ACO2: variants seen among roughly 807,000 people sequenced by gnomAD.
The protein encoded by ACO2 is aconitase 2.
In ACO2, 31 loss-of-function variants were observed where a neutral mutation model predicts 84.5. The ratio of observed to expected loss-of-function variants is 0.37; its 90% CI spans 0.28 to 0.50. The LOEUF is 0.50. ACO2 is among the 20% of genes least tolerant of loss of function. The pLI is 0.97. For synonymous variants in ACO2, 414 were observed against 412.7 expected (o/e 1.00, Z -0.04); for missense variants, 685 against 1,029.3 (o/e 0.67, Z 4.58).
intron 1 of ACO2, among the ~76,000 whole-genome samples, chr22:41,497,662 C>T (rs1385536699): frequency 6.6e-6 from 1 of 152,136 alleles, no homozygotes; most frequent in African/African-American, 2.4e-5. Flanking sequence ...GCAGGTGGAT[C>T]ACCTGAGGTC....
At position 41,502,357 on chromosome 22, in the gene ACO2, C is replaced by T. The variant is rs113786069; in HGVS notation, c.173+2495C>T. Among the ~76,000 whole-genome samples, 139 of 152,268 alleles carry T rather than the reference C, an allele frequency of 9.1e-4. 2 individuals carry two copies. The highest frequency in any genetic ancestry group is 3.2e-3 in the African/African-American group (134 of 41,572). ...CACTGAGTCAGAACCGGCCATTTAACAGGATCCCCAAGGGACTTACGTGCC... is the reference window on the plus strand; with the variant it reads ...CACTGAGTCAGAACCGGCCATTTAATAGGATCCCCAAGGGACTTACGTGCC... On this transcript the variant is annotated intron_variant, in intron 2 of 17. Transcript: ENST00000216254.
At chr22:41,503,918 A>G (rs559567283) in intron 2 of ACO2, among the ~76,000 whole-genome samples, 75 of 152,272 alleles carry the variant, frequency 4.9e-4, no homozygotes, top group African/African-American at 1.8e-3. Flanking sequence ...TTATGCTAAA[A>G]AGAATTATAT....
At chr22:41,527,526 G>A in intron 16 of ACO2, 106 bp downstream of exon 16, 1 of 1,441,380 alleles carries the variant, frequency 6.9e-7, no homozygotes, top group African/African-American at 1.4e-5. Context: ...TGTGTCCACT[G>A]CAGCCCACAG....
intron 6 of ACO2, 67 bp from the exon 7 acceptor site, chr22:41,517,460 C>A (rs1231435818): frequency 2.3e-6 from 3 of 1,297,980 alleles, no homozygotes; most frequent in South Asian, 1.2e-5. Flanking sequence ...TGCAGGTGGC[C>A]GCGTAGCAGG....
intron 7 of ACO2, 57 bp downstream of exon 7, chr22:41,517,688 C>A: frequency 6.9e-7 from 1 of 1,447,500 alleles, no homozygotes; most frequent in Non-Finnish European, 9.7e-7. Flanking sequence ...CGCTCCTCCC[C>A]AAGACAGAGC....
chr22:41,527,225 G>A (rs1209146630), intron 15 of ACO2, 63 bp from the exon 16 acceptor site: 4 of 1,612,740 alleles, frequency 2.5e-6, no homozygotes, highest in Non-Finnish European at 3.4e-6. Context: ...AGGCAGGTAG[G>A]GCCAGACAGG....
chr22:41,506,489 A>G (rs993541687), intron 2 of ACO2, among the ~76,000 whole-genome samples: 1 of 151,990 alleles, frequency 6.6e-6, no homozygotes, highest in Non-Finnish European at 1.5e-5. Context: ...TCCTGACCTC[A>G]TGATCCGCCT....
At chr22:41,512,658 G>C (rs1474057906) in intron 4 of ACO2, among the ~76,000 whole-genome samples, 1 of 152,236 alleles carries the variant, frequency 6.6e-6, no homozygotes, top group African/African-American at 2.4e-5. Context: ...ATGGTGTTCT[G>C]TAGGGTGAAG....
chr22:41,522,690 A>T (rs531893163), intron 9 of ACO2, 140 bp from the exon 10 acceptor site: 1 of 886,424 alleles, frequency 1.1e-6, no homozygotes, highest in South Asian at 1.8e-5. Flanking sequence ...GTTGCTTGCA[A>T]CTGGTCTCTG....
rs1190129586 is a variant in ACO2 at position 41,499,770 on chromosome 22, C to T, written c.81C>T (p.Cys27=). 6.2e-7 allele frequency: 1 copy of T among 1,613,872 alleles called. No individual in the cohort carries two copies. Reference sequence around the variant, plus strand: ...AGTACCATGTGGCCTCAGTCCTGTGCCAACGGGCCAAGGTGGCGATGAGCC... The same window carrying T: ...AGTACCATGTGGCCTCAGTCCTGTGTCAACGGGCCAAGGTGGCGATGAGCC... ...VRQYHVASVL[C]QRAKVAMSHF... is the part of the protein sequence containing the mutation. The change falls in exon 2 of 18, where the codon TGC becomes TGT. Residue 27 remains cysteine (C), a synonymous_variant. Coordinates refer to ENST00000216254, the MANE Select transcript of ACO2 (RefSeq NM_001098.3).
In ACO2 at chr22:41,523,858, A is replaced by G; in HGVS notation, c.1399A>G (p.Thr467Ala). Residue 467 changes from threonine (T) to alanine (A), a missense_variant, in exon 12 of 18, where the codon ACA becomes GCA. Around this residue, in one of 5 missense-constraint regions of ACO2, gnomAD observed 311 missense variants for 441.6 expected, o/e 0.70. Coordinates refer to ENST00000216254, the MANE Select transcript of ACO2 (RefSeq NM_001098.3). ...GGACATCAAGAAGGGGGAGAAGAAC[A>G]CAATCGTCACCTCCTACAACAGGAA... is the stretch of plus-strand genomic sequence containing the variant. Reference protein sequence around the residue: ...RKDIKKGEKNTIVTSYNRNFT... With the variant: ...RKDIKKGEKNAIVTSYNRNFT... 1.9e-6 allele frequency: 3 copies of G among 1,612,188 alleles called. No homozygotes were observed. The highest frequency in any genetic ancestry group is 2.5e-6 in the Non-Finnish European group (3 of 1,179,970).
At chr22:41,485,602 G>C (rs1249869132) in intron 1 of ACO2, among the ~76,000 whole-genome samples, 2 of 151,840 alleles carry the variant, frequency 1.3e-5, no homozygotes, top group Non-Finnish European at 2.9e-5. Flanking sequence ...CACCACGCCC[G>C]GCAAATTTTT....
chr22:41,523,206 C>T lies in ACO2; in HGVS notation c.1298C>T (p.Ala433Val). The change falls in exon 11 of 18, where the codon GCA (alanine) becomes GTA (valine). Residue 433 changes from alanine (A) to valine (V), a missense_variant and splice_region_variant. By Grantham distance (64) the Ala-to-Val change is moderately conservative. This residue lies in a region of ACO2 where 311 missense variants were observed against 441.6 expected (regional missense o/e 0.70). Transcript: ENST00000216254. ...TCTGTCTTCCTCTCTCCCTGGCAGG[C>T]ACAGATCTTGAGGGATCTGGGTGGC... ...IRATIERDGY[A>V]QILRDLGGIV... The T allele has an allele frequency of 1.2e-6, 2 of 1,611,494 alleles. No homozygotes were observed. Among genetic ancestry groups the T allele is most frequent in the Non-Finnish European group, 1.7e-6 (2 of 1,178,540 alleles).
At chr22:41,487,699 C>G (rs1397869265) in intron 1 of ACO2, among the ~76,000 whole-genome samples, 1 of 151,906 alleles carries the variant, frequency 6.6e-6, no homozygotes, top group Non-Finnish European at 1.5e-5. Context: ...CTAGATGAAT[C>G]ATCAAATTAA....
At chr22:41,517,693 C>A in intron 7 of ACO2, 62 bp downstream of exon 7, 1 of 1,422,124 alleles carries the variant, frequency 7.0e-7, no homozygotes, top group Non-Finnish European at 9.9e-7. Flanking sequence ...CTCCCCAAGA[C>A]AGAGCTATGC....
At chr22:41,472,147 G>C (rs900969312) in intron 1 of ACO2, among the ~76,000 whole-genome samples, 2 of 152,154 alleles carry the variant, frequency 1.3e-5, no homozygotes, top group Non-Finnish European at 2.9e-5. Context: ...AAGGTCAGGA[G>C]TTCGAGACCA....
rs1045358500 is a variant in ACO2, at chr22:41,519,207, C to G, written c.1032+635C>G. 4.6e-5 allele frequency among the ~76,000 whole-genome samples: 7 copies of G among 152,238 alleles called. 1 individual carries two copies. Among genetic ancestry groups the G allele is most frequent in the Admixed American group, 6.5e-5 (1 of 15,300 alleles). ...GGCAAATCCCAGCAGGGTTAGGCAC[C>G]CTGAGACGCACAGATCAGAGCAGGT... On this transcript the variant is annotated intron_variant, in intron 8 of 17. Transcript: ENST00000216254.
chr22:41,475,890 T>A (rs1207115153), intron 1 of ACO2, among the ~76,000 whole-genome samples: 3 of 136,932 alleles, frequency 2.2e-5, no homozygotes, highest in African/African-American at 8.1e-5. Context: ...AGGGTGAAAC[T>A]CTGTCTCAAA....
intron 9 of ACO2, among the ~76,000 whole-genome samples, chr22:41,522,316 G>A (rs1308818901): frequency 6.6e-6 from 1 of 152,176 alleles, no homozygotes; most frequent in Non-Finnish European, 1.5e-5. Context: ...TCCAGCCTGG[G>A]CGACAGAGCA....
Sources: allele counts gnomAD v4.1 joint callset (sites outside exome capture counted in the v4.1 genomes callset), GRCh38; gene constraint gnomAD v4.1.1; regional missense constraint gnomAD v4.1.1; transcripts MANE v1.5; gene names NCBI Gene and HGNC (gene_info 2026-07-23, HGNC 2026-07-21).